Variants in PLCZ1 observed in about 807,000 individuals in gnomAD.
PLCZ1 encodes the protein phospholipase C zeta 1.
Under a neutral mutation model 76.8 loss-of-function variants are expected in PLCZ1, and 64 were observed. The observed-to-expected ratio is 0.83, with a 90% CI of 0.68 to 1.03. The LOEUF is 1.03. PLCZ1 is among the 50% of genes least tolerant of loss of function. PLCZ1 has a pLI of 0.00. For missense variants in PLCZ1, 751 were observed against 713.7 expected, an observed-to-expected ratio of 1.05 and a Z score of -0.60; for synonymous variants, 248 against 230.8, an observed-to-expected ratio of 1.07 and a Z score of -0.68.
In PLCZ1 at chr12:18,688,353, C is replaced by T. The variant is rs1195987652; in HGVS notation, c.1462-135G>A. The T allele has an allele frequency of 1.1e-5, 9 of 853,644 alleles. No homozygotes were observed. The East Asian group carries it at 1.6e-4, about 15-fold the overall frequency. 52.9% of individuals were successfully genotyped at this position (853,644 alleles called of 1,614,324 possible). On this transcript the variant is annotated intron_variant, in intron 12 of 14. Transcript: ENST00000266505. ...TCCCACAAACATTGAAAGTGGAATA[C>T]AATACAAATTTTAAAATTTAAGTCT...
At position 18,688,067 on chromosome 12, in the gene PLCZ1, A is replaced by G. The variant is rs373763216; in HGVS notation, c.1591+22T>C. On this transcript the variant is annotated intron_variant, in intron 13 of 14. Coordinates refer to ENST00000266505, the MANE Select transcript of PLCZ1 (RefSeq NM_033123.4). ...CAACAAGAAGTCTAATGGAAATTCA[A>G]TAAGGTATATCAGGAGCTCACCATT... 126 of 1,608,842 alleles carry G rather than the reference A, an allele frequency of 7.8e-5. No individual in the cohort carries two copies. The African/African-American group carries it at 1.5e-3, about 19-fold the overall frequency.
the PLCZ1 span, among the ~76,000 whole-genome samples, chr12:18,660,700 A>C: frequency 6.6e-6 from 1 of 152,138 alleles, no homozygotes; most frequent in Non-Finnish European, 1.5e-5. Flanking sequence ...AAGGAGAAGA[A>C]TCTGATTTCC....
intron 12 of PLCZ1, among the ~76,000 whole-genome samples, chr12:18,692,043 A>G (rs937536897): frequency 1.3e-5 from 2 of 152,240 alleles, no homozygotes; most frequent in African/African-American, 4.8e-5. Flanking sequence ...ATGGTGGAAA[A>G]AGGAGCTGAG....
the PLCZ1 span, among the ~76,000 whole-genome samples, chr12:18,655,817 T>C: frequency 3.6e-5 from 2 of 54,936 alleles, no homozygotes; most frequent in South Asian, 1.0e-3. Context: ...ACTTGACTAG[T>C]ACTCCTGAAA....
rs769211662 is a variant in PLCZ1, at chr12:18,683,650, T to C, written c.1742-326A>G. 4 of 1,342,046 alleles carry C rather than the reference T, an allele frequency of 3.0e-6. No homozygotes were observed. The East Asian group carries it at 1.7e-4, about 57-fold the overall frequency. 83.1% of individuals were successfully genotyped at this position (1,342,046 alleles called of 1,614,324 possible). A position where few individuals can be genotyped will look rare whatever the true frequency, so the allele number is the denominator to read the frequency against. On this transcript the variant is annotated intron_variant, in intron 14 of 14. Transcript: ENST00000266505. ...TCAGATGCTGTTAGAAAAGTAAGCATATTGAGACAAGGTAATTGGGAGCAC... is the reference window on the plus strand; with the variant it reads ...TCAGATGCTGTTAGAAAAGTAAGCACATTGAGACAAGGTAATTGGGAGCAC...
At chr12:18,683,858 A>C (rs770980885) in intron 14 of PLCZ1, among the ~76,000 whole-genome samples, 5 of 152,002 alleles carry the variant, frequency 3.3e-5, no homozygotes, top group Non-Finnish European at 7.4e-5. Flanking sequence ...ACTACTCTTT[A>C]CTGAAACAGA....
chr12:18,696,034 C>T (rs1201176063), intron 11 of PLCZ1, 116 bp downstream of exon 11: 4 of 599,502 alleles, frequency 6.7e-6, no homozygotes, highest in African/African-American at 3.9e-5. Flanking sequence ...GACCCCAAAG[C>T]CCCCGGGCTA....
the PLCZ1 span, among the ~76,000 whole-genome samples, chr12:18,671,831 GT>G: frequency 6.6e-6 from 1 of 152,158 alleles, no homozygotes; most frequent in Admixed American, 6.5e-5. Context: ...ATTTCTCACA[GT>G]TTTGGAGTTT....
chr12:18,718,224 G>C (rs1381598693), intron 5 of PLCZ1, among the ~76,000 whole-genome samples: 2 of 152,128 alleles, frequency 1.3e-5, no homozygotes, highest in African/African-American at 4.8e-5. Context: ...AGAAGCATCT[G>C]TATCTCAAAT....
intron 3 of PLCZ1, among the ~76,000 whole-genome samples, chr12:18,728,999 T>TTC (rs918021512): frequency 4.9e-4 from 74 of 150,910 alleles, no homozygotes; most frequent in African/African-American, 1.2e-3. Context: ...GAGAAATAAT[T>TTC]TCTCTCTCTC....
At chr12:18,701,995 G>T (rs557347436) in intron 7 of PLCZ1, among the ~76,000 whole-genome samples, 1 of 152,052 alleles carries the variant, frequency 6.6e-6, no homozygotes, top group Non-Finnish European at 1.5e-5. Context: ...AGCCTGTTAT[G>T]ATTGAGACTT....
At chr12:18,683,779 G>C (rs969545687) in intron 14 of PLCZ1, 17 of 540,536 alleles carry the variant, frequency 3.1e-5, no homozygotes, top group Non-Finnish European at 5.5e-5. Flanking sequence ...TTCTCCTCAG[G>C]CAGGAAGAAT....
At chr12:18,674,693 T>C in the PLCZ1 span, among the ~76,000 whole-genome samples, 319 of 152,298 alleles carry the variant, frequency 2.1e-3, 1 homozygote, top group African/African-American at 6.9e-3. Flanking sequence ...AGCATAATGT[T>C]CCACTGCTTG....
At chr12:18,736,857 T>C (rs1373315036) in intron 2 of PLCZ1, 2 of 453,806 alleles carry the variant, frequency 4.4e-6, no homozygotes, top group African/African-American at 2.0e-5. Context: ...TTATTATTAC[T>C]ACATTAGTCC....
chr12:18,647,987 G>A, the PLCZ1 span: 468 of 1,595,122 alleles, frequency 2.9e-4, no homozygotes, highest in Non-Finnish European at 3.8e-4. Flanking sequence ...TGTCCCACTC[G>A]ATAAAGAAAA....
intron 11 of PLCZ1, among the ~76,000 whole-genome samples, chr12:18,695,802 G>C (rs1051827409): frequency 6.6e-6 from 1 of 152,046 alleles, no homozygotes; most frequent in African/African-American, 2.4e-5. Flanking sequence ...AAATGATAGA[G>C]GTCACTTGAT....
the PLCZ1 span, among the ~76,000 whole-genome samples, chr12:18,675,044 T>C: frequency 6.6e-6 from 1 of 152,184 alleles, no homozygotes; most frequent in Non-Finnish European, 1.5e-5. Flanking sequence ...GTAACTACCT[T>C]ATTCAATATG....
Position 18,694,931 on chromosome 12 carries a change from C to T in PLCZ1, c.1440G>A (p.Met480Ile), listed in dbSNP as rs1239113491. Residue 480 changes from methionine to isoleucine, a missense_variant, in exon 12 of 15, where the codon ATG becomes ATA. Met to Ile is a conservative substitution (Grantham distance 10). Coordinates refer to ENST00000266505, the MANE Select transcript of PLCZ1 (RefSeq NM_033123.4). ...YFNPSNIKEG[M>I]PITLTIRLIS... ...TTACCCTTATTGTAAGTGTAATTGG[C>T]ATACCCTCTTTTATGTTACTTGGGT... The T allele has an allele frequency of 6.3e-7, 1 of 1,599,696 alleles. No homozygotes were observed. Among genetic ancestry groups the T allele is most frequent in the East Asian group, 2.2e-5 (1 of 44,718 alleles).
the PLCZ1 span, among the ~76,000 whole-genome samples, chr12:18,652,110 A>G: frequency 6.6e-6 from 1 of 152,170 alleles, no homozygotes; most frequent in Non-Finnish European, 1.5e-5. Flanking sequence ...GTACTCCCCA[A>G]AATTGATAGG....
Sources: allele counts gnomAD v4.1 joint callset (sites outside exome capture counted in the v4.1 genomes callset), GRCh38; gene constraint gnomAD v4.1.1; transcripts MANE v1.5; gene names NCBI Gene and HGNC (gene_info 2026-07-23, HGNC 2026-07-21).